SEMA3A: variants seen among roughly 807,000 people sequenced by gnomAD.
The protein encoded by SEMA3A is semaphorin 3A, also known as semaphorin-3A.
A neutral mutation model predicts 97.9 loss-of-function variants in SEMA3A; 29 were observed. The ratio of observed to expected loss-of-function variants is 0.30; its 90% confidence interval spans 0.22 to 0.40. The LOEUF is 0.40. Among genes scored for constraint, SEMA3A ranks in the 10% least tolerant of loss-of-function variants. The pLI is 1.00. For missense variants in SEMA3A, 763 were observed against 951.3 expected, an observed-to-expected ratio of 0.80 and a Z score of 2.60; for synonymous variants, 321 against 323.7, an observed-to-expected ratio of 0.99 and a Z score of 0.09.
chr7:84,043,713 T>G (rs1583862739), intron 6 of SEMA3A, among the ~76,000 whole-genome samples: 1 of 152,106 alleles, frequency 6.6e-6, no homozygotes, highest in Non-Finnish European at 1.5e-5. Context: ...TATCTGTATC[T>G]TCCATCTTGC....
intron 1 of SEMA3A, among the ~76,000 whole-genome samples, chr7:84,144,297 G>GA (rs1210467115): frequency 6.6e-6 from 1 of 152,022 alleles, no homozygotes; most frequent in East Asian, 1.9e-4. Flanking sequence ...TCAGAAGGAG[G>GA]AAATAAGTTC....
intron 1 of SEMA3A, among the ~76,000 whole-genome samples, chr7:84,457,800 C>G (rs995392434): frequency 6.6e-6 from 1 of 151,924 alleles, no homozygotes; most frequent in African/African-American, 2.4e-5. Context: ...ATTGGTCAAC[C>G]AATCTTTAGA....
chr7:84,050,454 G>A (rs987033245), intron 5 of SEMA3A, among the ~76,000 whole-genome samples: 1 of 151,948 alleles, frequency 6.6e-6, no homozygotes, highest in Non-Finnish European at 1.5e-5. Flanking sequence ...TTTCTCTGAT[G>A]GCCAGTGATG....
At chr7:84,145,775 T>C (rs1364065244) in intron 1 of SEMA3A, among the ~76,000 whole-genome samples, 1 of 152,140 alleles carries the variant, frequency 6.6e-6, no homozygotes, top group South Asian at 2.1e-4. Flanking sequence ...TTTCTCTCAA[T>C]TTTGGTATAC....
At position 83,956,393 on chromosome 7, in the gene SEMA3A, T is replaced by G. The variant is rs1788277950; in HGVS notation, c.*4978A>C. On this transcript the variant is annotated 3_prime_UTR_variant, in exon 17 of 17. Coordinates refer to ENST00000265362, the MANE Select transcript of SEMA3A (RefSeq NM_006080.3). ...GATGAAGTTAGCTTCCTCTAAATAT[T>G]TATTTGTAGAATTCAGAGTTTCAGC... is the stretch of plus-strand genomic sequence containing the variant. 6.6e-6 allele frequency: 1 copy of G among 152,138 alleles called. No homozygotes were observed. Among genetic ancestry groups the G allele is most frequent in the Non-Finnish European group, 1.5e-5 (1 of 68,030 alleles). The allele number at this position is 152,138 out of a possible 1,614,324, so 9.4% of individuals were successfully genotyped here. A position where few individuals can be genotyped will look rare whatever the true frequency, so the allele number is the denominator to read the frequency against.
At position 84,134,969 on chromosome 7, in the gene SEMA3A, A is replaced by C; in HGVS notation, c.113-18T>G. The C allele has an allele frequency of 3.7e-6, 6 of 1,610,140 alleles. No individual in the cohort carries two copies. Among genetic ancestry groups the C allele is most frequent in the Non-Finnish European group, 5.1e-6 (6 of 1,177,864 alleles). On this transcript the variant is annotated intron_variant, in intron 1 of 16. Transcript: ENST00000265362. ...CAACATTTCTGCAAGGTAACAAAGC[A>C]AAACATTGGGTATTAATGTGAAGCA...
intron 3 of SEMA3A, among the ~76,000 whole-genome samples, chr7:84,116,327 T>A (rs1420014101): frequency 6.6e-6 from 1 of 152,222 alleles, no homozygotes; most frequent in Admixed American, 6.5e-5. Context: ...TTCACACGTA[T>A]ACTCTTTTCC....
intron 3 of SEMA3A, among the ~76,000 whole-genome samples, chr7:84,117,325 T>C (rs571051574): frequency 1.3e-5 from 2 of 152,264 alleles, no homozygotes; most frequent in East Asian, 1.9e-4. Context: ...GAAAAGGCAT[T>C]CTCAAAAACT....
intron 3 of SEMA3A, among the ~76,000 whole-genome samples, chr7:84,213,056 A>G (rs1270036099): frequency 6.6e-6 from 1 of 151,992 alleles, no homozygotes. Context: ...CTCTGCCTAC[A>G]GGATTTAGGG....
chr7:84,285,652 TA>T (rs1346646396), intron 3 of SEMA3A, among the ~76,000 whole-genome samples: 2 of 152,044 alleles, frequency 1.3e-5, no homozygotes, highest in Non-Finnish European at 2.9e-5. Context: ...AAGTTGAATA[TA>T]AAGAAATAGT....
At chr7:84,058,934 T>C (rs1381926710) in intron 5 of SEMA3A, among the ~76,000 whole-genome samples, 1 of 152,174 alleles carries the variant, frequency 6.6e-6, no homozygotes, top group Non-Finnish European at 1.5e-5. Flanking sequence ...TAATACCTAC[T>C]TGTCATCATT....
chr7:84,233,002 C>A lies in SEMA3A; in HGVS notation c.-82-38334G>T, dbSNP rs144904610. 1.2e-3 allele frequency among the ~76,000 whole-genome samples: 178 copies of A among 152,036 alleles called. 1 individual carries two copies. In the East Asian group the frequency reaches 0.025, roughly 21 times the overall value. On this transcript the variant is annotated intron_variant, in intron 3 of 3. Transcript: ENST00000424555. ...TAATTTAATAAAGAACATTGCTTTA[C>A]CCCTAGGAGAATGACAAGTCTTTAA... is the stretch of plus-strand genomic sequence containing the variant.
intron 4 of SEMA3A, among the ~76,000 whole-genome samples, chr7:84,090,918 T>C (rs1397031545): frequency 6.6e-6 from 1 of 150,950 alleles, no homozygotes; most frequent in Non-Finnish European, 1.5e-5. Context: ...AATACAAAAA[T>C]TAGCTGGGCG....
intron 6 of SEMA3A, among the ~76,000 whole-genome samples, chr7:84,033,248 A>G (rs900735209): frequency 6.6e-6 from 1 of 152,202 alleles, no homozygotes; most frequent in Non-Finnish European, 1.5e-5. Context: ...ACATATTTTT[A>G]AAATTCTTAA....
chr7:84,145,209 C>A (rs573335036), intron 1 of SEMA3A, among the ~76,000 whole-genome samples: 1 of 152,138 alleles, frequency 6.6e-6, no homozygotes, highest in East Asian at 1.9e-4. Context: ...TTCTAAGGGA[C>A]AATGCATCAT....
At chr7:84,222,578 A>G (rs1265002953) in intron 3 of SEMA3A, among the ~76,000 whole-genome samples, 1 of 151,922 alleles carries the variant, frequency 6.6e-6, no homozygotes, top group African/African-American at 2.4e-5. Context: ...ATGAAGAATT[A>G]GTTTTACTTT....
intron 1 of SEMA3A, among the ~76,000 whole-genome samples, chr7:84,437,564 GC>G (rs1484518368): frequency 6.9e-6 from 1 of 144,222 alleles, no homozygotes; most frequent in African/African-American, 2.6e-5. Flanking sequence ...TCTAATGCTG[GC>G]TTTTTTTTTT....
In SEMA3A at chr7:84,032,235, G is replaced by A. The variant is rs538245149; in HGVS notation, c.667+14089C>T. On this transcript the variant is annotated intron_variant, in intron 6 of 16. Transcript: ENST00000265362. ...GTGAAAGGGAGATATCTATAAGAAT[G>A]TGGCCTGATTCTTAAAATAAAATAA... Among the ~76,000 whole-genome samples the A allele has an allele frequency of 6.6e-5, 10 of 152,216 alleles. No homozygotes were observed. In the South Asian group the frequency reaches 1.9e-3, roughly 28 times the overall value.
chr7:84,310,168 T>G (rs1801278062), intron 2 of SEMA3A, among the ~76,000 whole-genome samples: 1 of 152,160 alleles, frequency 6.6e-6, no homozygotes, highest in Admixed American at 6.5e-5. Flanking sequence ...GTTGAAAATA[T>G]CACTCTAATG....
Sources: gnomAD v4.1 joint callset for allele counts (sites outside exome capture counted in the v4.1 genomes callset) on GRCh38, gnomAD v4.1.1 for gene constraint, MANE v1.5 for transcripts, NCBI Gene and HGNC (gene_info 2026-07-23, HGNC 2026-07-21) for gene names.